The following PHACTR1 variants were observed in gnomAD, a reference collection of about 807,000 sequenced individuals.
PHACTR1 encodes the protein RPEL repeat containing 1.
PHACTR1 carries 16 observed loss-of-function variants against 69.2 expected under a neutral mutation model. The ratio of observed to expected loss-of-function variants is 0.23; its 90% CI spans 0.16 to 0.35. The LOEUF (loss-of-function observed/expected upper bound fraction) is 0.35. Among genes scored for constraint, PHACTR1 ranks in the 10% least tolerant of loss-of-function variants. The pLI is 1.00. For synonymous variants in PHACTR1, 312 were observed against 284.5 expected (o/e 1.10, Z -0.97); for missense variants, 510 against 734.7 (o/e 0.69, Z 3.54).
intron 5 of PHACTR1, among the ~76,000 whole-genome samples, chr6:13,080,356 A>G (rs1811180421): frequency 6.6e-6 from 1 of 152,192 alleles, no homozygotes; most frequent in African/African-American, 2.4e-5. Flanking sequence ...GAACTTATTC[A>G]GCTGGCAAAA....
At position 13,287,043 on chromosome 6, in the gene PHACTR1, G is replaced by GTAAT; in HGVS notation, c.1728-18_1728-15dup. The GTAAT allele has an allele frequency of 6.2e-7, 1 of 1,607,094 alleles. No individual in the cohort carries two copies. Among genetic ancestry groups the GTAAT allele is most frequent in the Non-Finnish European group, 8.5e-7 (1 of 1,176,566 alleles). On this transcript the variant is annotated intron_variant, in intron 14 of 14. Transcript: ENST00000332995. Reference sequence around the variant, plus strand: ...CCTTTGGCAGCCCCTTGGTCTTGATGTAATTGTTTGTTTCCTTAGGTTTCA... The same window carrying GTAAT: ...CCTTTGGCAGCCCCTTGGTCTTGATGTAATTAATTGTTTGTTTCCTTAGGTTTCA...
intron 4 of PHACTR1, among the ~76,000 whole-genome samples, chr6:12,800,553 A>G (rs560913347): frequency 6.6e-6 from 1 of 152,242 alleles, no homozygotes; most frequent in Non-Finnish European, 1.5e-5. Context: ...TAATGAAGAG[A>G]GTGAGCTATT....
At chr6:13,208,500 A>T (rs1766266944) in intron 8 of PHACTR1, among the ~76,000 whole-genome samples, 1 of 152,192 alleles carries the variant, frequency 6.6e-6, no homozygotes. Context: ...ATGTTTGGAA[A>T]ACACTACCCT....
chr6:13,088,536 A>G (rs921828934), intron 5 of PHACTR1, among the ~76,000 whole-genome samples: 3 of 152,104 alleles, frequency 2.0e-5, no homozygotes, highest in African/African-American at 7.2e-5. Context: ...AGTAATGACT[A>G]TATTTCAGGC....
At chr6:13,172,653 C>A (rs1456877816) in intron 6 of PHACTR1, among the ~76,000 whole-genome samples, 1 of 152,160 alleles carries the variant, frequency 6.6e-6, no homozygotes, top group East Asian at 1.9e-4. Flanking sequence ...TTGCATCTCA[C>A]CTATTTAATG....
At chr6:13,165,721 A>G (rs1453398559) in intron 6 of PHACTR1, among the ~76,000 whole-genome samples, 3 of 152,132 alleles carry the variant, frequency 2.0e-5, no homozygotes. Flanking sequence ...ACCTAAACGA[A>G]GTGACCGAGT....
chr6:13,017,273 A>G (rs777995171), intron 4 of PHACTR1, among the ~76,000 whole-genome samples: 2 of 150,616 alleles, frequency 1.3e-5, no homozygotes, highest in African/African-American at 4.9e-5. Context: ...TTTAATGGCC[A>G]TTTATCTCTG....
chr6:12,948,661 C>T lies in PHACTR1; in HGVS notation c.251-104704C>T, dbSNP rs73364141. 8.2e-3 allele frequency among the ~76,000 whole-genome samples: 1,242 copies of T among 152,254 alleles called. 19 individuals carry two copies. The highest frequency in any genetic ancestry group is 0.028 in the African/African-American group (1,162 of 41,544). ...TTTAAACCCTGACCCTGCCCGATTC[C>T]GGTACCTAAGCTTTGAACCCCATGT... is the stretch of plus-strand genomic sequence containing the variant. On this transcript the variant is annotated intron_variant, in intron 4 of 14. Transcript: ENST00000332995.
chr6:12,879,969 A>C (rs564882944), intron 4 of PHACTR1, among the ~76,000 whole-genome samples: 1 of 152,308 alleles, frequency 6.6e-6, no homozygotes, highest in Non-Finnish European at 1.5e-5. Flanking sequence ...GTAAAAGGAT[A>C]CTCATTAAGG....
intron 5 of PHACTR1, among the ~76,000 whole-genome samples, chr6:13,061,402 G>A (rs1271893784): frequency 2.0e-5 from 3 of 152,120 alleles, no homozygotes; most frequent in African/African-American, 7.2e-5. Context: ...GGGTTCAGAG[G>A]AATTAGAAAA....
intron 10 of PHACTR1, among the ~76,000 whole-genome samples, chr6:13,259,927 G>C (rs1184954129): frequency 6.6e-6 from 1 of 152,326 alleles, no homozygotes; most frequent in East Asian, 1.9e-4. Context: ...AGTTTGCAGA[G>C]AGAAAAGGGC....
intron 5 of PHACTR1, among the ~76,000 whole-genome samples, chr6:13,070,938 A>T (rs531029570): frequency 6.6e-6 from 1 of 152,262 alleles, no homozygotes; most frequent in Admixed American, 6.5e-5. Context: ...CAATGAATTA[A>T]TGAGGATTTG....
chr6:12,737,965 AT>A (rs1407176837), intron 3 of PHACTR1, among the ~76,000 whole-genome samples: 1 of 152,166 alleles, frequency 6.6e-6, no homozygotes, highest in Non-Finnish European at 1.5e-5. Context: ...TGATACTTTA[AT>A]TTAATCTGCT....
intron 4 of PHACTR1, among the ~76,000 whole-genome samples, chr6:12,847,067 T>C (rs1355048403): frequency 6.6e-6 from 1 of 152,104 alleles, no homozygotes; most frequent in East Asian, 1.9e-4. Context: ...TCTGGCCGCG[T>C]TGGCCTCCCA....
In PHACTR1 at chr6:13,245,206, G is replaced by A. The variant is rs745648463; in HGVS notation, c.1391+15013G>A. Among the ~76,000 whole-genome samples the A allele has an allele frequency of 1.2e-4, 18 of 152,220 alleles. No individual in the cohort carries two copies. The highest frequency in any genetic ancestry group is 2.5e-4 in the Non-Finnish European group (17 of 68,044). Reference sequence around the variant, plus strand: ...TTCCTTTGGGTATATACCCAGTAACGGGATTGCAAGGTCGACGGGTAATTC... The same window carrying A: ...TTCCTTTGGGTATATACCCAGTAACAGGATTGCAAGGTCGACGGGTAATTC... On this transcript the variant is annotated intron_variant, in intron 10 of 14. Coordinates refer to ENST00000332995, the MANE Select transcript of PHACTR1 (RefSeq NM_030948.6). This position sits in a 1 kb window ranked among gnomAD's most constrained non-coding sequence, Gnocchi z 4.1.
chr6:12,849,164 C>T (rs1344639331), intron 4 of PHACTR1, among the ~76,000 whole-genome samples: 1 of 152,114 alleles, frequency 6.6e-6, no homozygotes, highest in African/African-American at 2.4e-5. Context: ...AACGTAAGAG[C>T]AATGACAGAA....
Position 13,084,368 on chromosome 6 carries a change from T to A in PHACTR1, c.415+30839T>A, listed in dbSNP as rs543633951. 1.7e-4 allele frequency among the ~76,000 whole-genome samples: 17 copies of A among 97,728 alleles called. 1 individual carries two copies. In the South Asian group the frequency reaches 6.6e-3, roughly 38 times the overall value. 64.1% of individuals were successfully genotyped at this position (97,728 alleles called of 152,430 possible). A position where few individuals can be genotyped will look rare whatever the true frequency, so the allele number is the denominator to read the frequency against. On this transcript the variant is annotated intron_variant, in intron 5 of 14. Transcript: ENST00000332995. Reference sequence around the variant, plus strand: ...AAGGGGAACATCACACACCGGGGACTGTTGTGGGGTGGGGGGAGGGGGGAG... The same window carrying A: ...AAGGGGAACATCACACACCGGGGACAGTTGTGGGGTGGGGGGAGGGGGGAG...
chr6:13,229,337 G>T (rs1475901541), intron 9 of PHACTR1, among the ~76,000 whole-genome samples: 5 of 152,100 alleles, frequency 3.3e-5, no homozygotes, highest in Admixed American at 1.3e-4. Context: ...TTTGCCAGGT[G>T]TTCCCTGGGG....
At chr6:13,029,781 G>C (rs779665511) in intron 4 of PHACTR1, among the ~76,000 whole-genome samples, 88 of 152,360 alleles carry the variant, frequency 5.8e-4, no homozygotes, top group Non-Finnish European at 9.7e-4. Context: ...CAAATGCAGT[G>C]AGAAGCAGTG....
Sources: gnomAD v4.1 joint callset for allele counts (sites outside exome capture counted in the v4.1 genomes callset) on GRCh38, gnomAD v4.1.1 for gene constraint, Gnocchi (gnomAD v3.1) non-coding constraint, MANE v1.5 for transcripts, NCBI Gene and HGNC (gene_info 2026-07-23, HGNC 2026-07-21) for gene names.